The following FECH variants were observed in gnomAD, a reference collection of about 807,000 sequenced individuals.
FECH encodes the protein ferrochelatase.
In FECH, 40 loss-of-function variants were observed where a neutral mutation model predicts 56.9. The observed-to-expected ratio is 0.70, with a 90% CI of 0.55 to 0.92. FECH has a LOEUF of 0.92. Ranked by LOEUF, FECH falls within the 40% of genes least tolerant of loss-of-function variation. The probability of loss-of-function intolerance (pLI) is 0.00; values close to 1 mark genes in which losing one functional copy is unlikely to be tolerated. For missense variants in FECH, 431 were observed against 529.1 expected, an observed-to-expected ratio of 0.81 and a Z score of 1.82; for synonymous variants, 175 against 198.6, an observed-to-expected ratio of 0.88 and a Z score of 1.00.
chr18:57,584,859 T>TG (rs1193570727), intron 1 of FECH, among the ~76,000 whole-genome samples: 1 of 140,518 alleles, frequency 7.1e-6, no homozygotes, highest in Non-Finnish European at 1.5e-5. Flanking sequence ...AAAAAATGTT[T>TG]GGGGGGCCAG....
At chr18:57,573,143 C>T in intron 3 of FECH, 103 bp downstream of exon 3, 1 of 1,139,968 alleles carries the variant, frequency 8.8e-7, no homozygotes, top group Non-Finnish European at 1.3e-6. Flanking sequence ...TAACCATTAC[C>T]AGATACGCAT....
intron 1 of FECH, among the ~76,000 whole-genome samples, chr18:57,582,446 A>G (rs1254093888): frequency 6.6e-6 from 1 of 152,082 alleles, no homozygotes; most frequent in Non-Finnish European, 1.5e-5. Flanking sequence ...TAATAAAATG[A>G]CATTTCCTCC....
At chr18:57,566,612 G>A (rs2051020293) in intron 4 of FECH, 31 bp from the exon 5 acceptor site, 2 of 1,613,046 alleles carry the variant, frequency 1.2e-6, no homozygotes, top group Middle Eastern at 1.7e-4. Context: ...AAAGGAGAAA[G>A]TGTTAATCCT....
In FECH at chr18:57,550,690, C is replaced by A. The variant is rs374298888; in HGVS notation, c.*22G>T. On this transcript the variant is annotated 3_prime_UTR_variant, in exon 11 of 11. Transcript: ENST00000262093. ...CTGGAGGTTGGGCATTTGCCTAACG[C>A]CACGGGGTCCACCGGCGGGGGTCAC... is the stretch of plus-strand genomic sequence containing the variant. The A allele has an allele frequency of 6.9e-5, 112 of 1,613,830 alleles. No individual in the cohort carries two copies. In the South Asian group the frequency reaches 1.2e-3, roughly 17 times the overall value.
chr18:57,580,867 C>G (rs948728902), intron 1 of FECH, among the ~76,000 whole-genome samples: 4 of 152,220 alleles, frequency 2.6e-5, no homozygotes, highest in African/African-American at 9.6e-5. Flanking sequence ...TCCACACCCA[C>G]TCCCAGGGTC....
chr18:57,559,521 C>T (rs1203722881), intron 6 of FECH, among the ~76,000 whole-genome samples: 2 of 152,108 alleles, frequency 1.3e-5, no homozygotes, highest in East Asian at 3.9e-4. Flanking sequence ...TCTGCTTCCC[C>T]TCGGGAAGGA....
At chr18:57,574,227 C>G (rs1273718350) in intron 2 of FECH, among the ~76,000 whole-genome samples, 3 of 151,914 alleles carry the variant, frequency 2.0e-5, no homozygotes, top group African/African-American at 7.3e-5. Flanking sequence ...ATCCTGACGT[C>G]AGGAGCCTGC....
Position 57,566,411 on chromosome 18 carries a change from G to C in FECH, c.598+36C>G, listed in dbSNP as rs73436924. On this transcript the variant is annotated intron_variant, in intron 5 of 10. Coordinates refer to ENST00000262093, the MANE Select transcript of FECH (RefSeq NM_000140.5). ...CTCCTTGGTTATTTTTGCCAGCACC[G>C]TATCTACCTTTCCACTGTCAGAGAG... is the stretch of plus-strand genomic sequence containing the variant. 8.8e-4 allele frequency: 1,413 copies of C among 1,613,792 alleles called. 8 individuals carry two copies. The African/African-American group carries it at 0.015, about 17-fold the overall frequency.
chr18:57,571,612 T>TAAAAAAGA (rs762034481), intron 3 of FECH, 72 bp from the exon 4 acceptor site: 1 of 1,607,086 alleles, frequency 6.2e-7, no homozygotes, highest in Non-Finnish European at 8.5e-7. Context: ...TTCTACTCAA[T>TAAAAAAGA]AAAAAAGAAA....
At chr18:57,566,166 A>G (rs1349020263) in intron 5 of FECH, among the ~76,000 whole-genome samples, 1 of 152,252 alleles carries the variant, frequency 6.6e-6, no homozygotes, top group Non-Finnish European at 1.5e-5. Context: ...CTTAAGGTTC[A>G]TTACTGATCC....
chr18:57,551,470 TAC>T (rs1172738933), intron 9 of FECH, 96 bp from the exon 10 acceptor site: 19 of 896,282 alleles, frequency 2.1e-5, no homozygotes, highest in East Asian at 7.9e-5. Context: ...TACACACAGA[TAC>T]ACACACACAA....
At chr18:57,560,866 A>C (rs902504016) in intron 6 of FECH, among the ~76,000 whole-genome samples, 3 of 152,194 alleles carry the variant, frequency 2.0e-5, no homozygotes, top group African/African-American at 7.2e-5. Flanking sequence ...GGGATAAGCA[A>C]ACTATTCCCT....
rs1294245198 is a variant in FECH at position 57,552,077 on chromosome 18, T to C, written c.1078-703A>G. ...TTTTGTATTTTTGGTAGTGGCAAGG[T>C]TTCACCATGTTGGCCAGGCTGGTCT... is the stretch of plus-strand genomic sequence containing the variant. On this transcript the variant is annotated intron_variant, in intron 9 of 10. Coordinates refer to ENST00000262093, the MANE Select transcript of FECH (RefSeq NM_000140.5). 2.6e-5 allele frequency among the ~76,000 whole-genome samples: 4 copies of C among 152,068 alleles called. No individual in the cohort carries two copies. The South Asian group carries it at 8.3e-4, about 32-fold the overall frequency.
chr18:57,560,141 T>C (rs2050923519), intron 6 of FECH, among the ~76,000 whole-genome samples: 1 of 152,368 alleles, frequency 6.6e-6, no homozygotes, highest in East Asian at 1.9e-4. Context: ...TTAAATTTAC[T>C]GAAGTTGAAT....
chr18:57,550,728 G>C lies in FECH; in HGVS notation c.1256C>G (p.Thr419Ser). The change falls in exon 11 of 11, where the codon ACC becomes AGC. Residue 419 changes from threonine (T) to serine (S), a missense_variant. By Grantham distance (58) the Thr-to-Ser change is moderately conservative. Transcript: ENST00000262093. Reference protein sequence around the residue: ...PVCRETKSFFTSQQL With the variant: ...PVCRETKSFFSSQQL ...CGGCGGGGGTCACAGCTGCTGGCTG[G>C]TGAAGAAGGATTTAGTCTCCCTGCA... 6.2e-7 allele frequency: 1 copy of C among 1,614,038 alleles called. No homozygotes were observed.
At chr18:57,575,171 T>G (rs1415652933) in intron 2 of FECH, among the ~76,000 whole-genome samples, 1 of 152,200 alleles carries the variant, frequency 6.6e-6, no homozygotes, top group African/African-American at 2.4e-5. Flanking sequence ...GTAGCATGAA[T>G]CAGTACACTT....
chr18:57,569,860 G>GTC (rs2051071345), intron 4 of FECH, among the ~76,000 whole-genome samples: 1 of 150,902 alleles, frequency 6.6e-6, no homozygotes, highest in South Asian at 2.1e-4. Context: ...TTGAGACAGG[G>GTC]TCTCACTTTG....
chr18:57,580,574 G>A (rs2051263574), intron 1 of FECH, among the ~76,000 whole-genome samples: 2 of 152,118 alleles, frequency 1.3e-5, no homozygotes, highest in Admixed American at 6.5e-5. Flanking sequence ...GTGAAAAGCC[G>A]CCGATTTCGG....
At chr18:57,585,417 A>AG (rs1419323250) in intron 1 of FECH, among the ~76,000 whole-genome samples, 1 of 152,234 alleles carries the variant, frequency 6.6e-6, no homozygotes, top group Non-Finnish European at 1.5e-5. Context: ...CCTCAAATCT[A>AG]GGACCTGTCA....
Sources: gnomAD v4.1 joint callset for allele counts (sites outside exome capture counted in the v4.1 genomes callset) on GRCh38, gnomAD v4.1.1 for gene constraint, MANE v1.5 for transcripts, NCBI Gene and HGNC (gene_info 2026-07-23, HGNC 2026-07-21) for gene names.